LY96: variants seen among roughly 807,000 people sequenced by gnomAD.
LY96 encodes the protein lymphocyte antigen 96.
LY96 carries 18 observed loss-of-function variants against 18.9 expected under a neutral mutation model. The observed-to-expected ratio is 0.95, with a 90% CI of 0.66 to 1.41. The LOEUF is 1.41. Among genes scored for constraint, LY96 ranks in the 40% most tolerant of loss-of-function variants. The pLI, the probability that LY96 is intolerant of heterozygous loss-of-function variation, is 0.00. For synonymous variants in LY96, 66 were observed against 62.6 expected, an observed-to-expected ratio of 1.06 and a Z score of -0.26; for missense variants, 175 against 182.4, an observed-to-expected ratio of 0.96 and a Z score of 0.23.
chr8:74,068,089 A>AAATATATATATATATATATATATAT, the LY96 span, among the ~76,000 whole-genome samples: 1 of 67,930 alleles, frequency 1.5e-5, no homozygotes, highest in African/African-American at 9.6e-5. Flanking sequence ...AAAAAAAAAA[A>AAATATATATATATATATATATATAT]ATATATATAT....
At chr8:74,075,868 T>A in the LY96 span, among the ~76,000 whole-genome samples, 1 of 152,166 alleles carries the variant, frequency 6.6e-6, no homozygotes, top group Non-Finnish European at 1.5e-5. Flanking sequence ...TTGGATTCTC[T>A]GGAAGCAGAT....
At chr8:74,047,267 A>G in the LY96 span, among the ~76,000 whole-genome samples, 1 of 152,220 alleles carries the variant, frequency 6.6e-6, no homozygotes, top group Admixed American at 6.5e-5. Flanking sequence ...TTTCTGCACT[A>G]GAGGGACTAT....
chr8:74,002,052 TTCCTTCCTTCCTTCCTTCCTTC>T lies in LY96; in HGVS notation c.113-2743_113-2722del, dbSNP rs1586648649. On this transcript the variant is annotated intron_variant, in intron 1 of 4. Coordinates refer to ENST00000284818, the MANE Select transcript of LY96 (RefSeq NM_015364.5). ...CTTCCTTCCTTCCTTCCTTCCTTCC[TTCCTTCCTTCCTTCCTTCCTTC>T]CTTTCTTTCTTTCTTTCTTTCTCTC... 3.7e-4 allele frequency among the ~76,000 whole-genome samples: 15 copies of T among 40,758 alleles called. No homozygotes were observed. In the East Asian group the frequency reaches 6.6e-3, roughly 18 times the overall value. The allele number at this position is 40,758 out of a possible 152,430, so 26.7% of individuals were successfully genotyped here.
the LY96 span, among the ~76,000 whole-genome samples, chr8:74,054,676 T>TTTCTTTCTTTCTTTC: frequency 1.2e-4 from 8 of 65,346 alleles, no homozygotes; most frequent in East Asian, 2.9e-3. Context: ...TTCTTTCTTT[T>TTTCTTTCTTTCTTTC]TATTTGAGAT....
the LY96 span, among the ~76,000 whole-genome samples, chr8:74,059,670 CA>C: frequency 6.6e-6 from 1 of 152,096 alleles, no homozygotes; most frequent in Non-Finnish European, 1.5e-5. Context: ...AGTTAAATTT[CA>C]AATGGATTAC....
At chr8:74,061,228 C>T in the LY96 span, among the ~76,000 whole-genome samples, 1 of 152,236 alleles carries the variant, frequency 6.6e-6, no homozygotes, top group East Asian at 1.9e-4. Context: ...GAGGTGGGGC[C>T]TTTGGGAGGT....
At position 74,003,226 on chromosome 8, in the gene LY96, G is replaced by A. The variant is rs553848376; in HGVS notation, c.113-1570G>A. Among the ~76,000 whole-genome samples, 15 of 152,236 alleles carry A rather than the reference G, an allele frequency of 9.9e-5. No homozygotes were observed. The South Asian group carries it at 3.1e-3, about 32-fold the overall frequency. Reference sequence around the variant, plus strand: ...TCAGGAGGACGAGAGAGACCTCGGGGGAAAGCAAGAGGATCTTTATTGAAT... The same window carrying A: ...TCAGGAGGACGAGAGAGACCTCGGGAGAAAGCAAGAGGATCTTTATTGAAT... On this transcript the variant is annotated intron_variant, in intron 1 of 4. Transcript: ENST00000284818.
At chr8:74,097,229 G>A in the LY96 span, among the ~76,000 whole-genome samples, 7 of 152,166 alleles carry the variant, frequency 4.6e-5, no homozygotes, top group African/African-American at 1.2e-4. Flanking sequence ...GGGTAATGTA[G>A]TTAAGAGCAC....
At chr8:74,035,321 T>A in the LY96 span, among the ~76,000 whole-genome samples, 1 of 151,814 alleles carries the variant, frequency 6.6e-6, no homozygotes, top group African/African-American at 2.4e-5. Context: ...TGGCTTAGAG[T>A]CCCTTTGACT....
At chr8:74,064,072 A>G in the LY96 span, among the ~76,000 whole-genome samples, 10 of 152,228 alleles carry the variant, frequency 6.6e-5, no homozygotes, top group African/African-American at 9.6e-5. Context: ...AAAATAATTT[A>G]TAGTAGCCTT....
At chr8:74,047,268 G>C in the LY96 span, among the ~76,000 whole-genome samples, 6 of 152,168 alleles carry the variant, frequency 3.9e-5, no homozygotes, top group Non-Finnish European at 7.4e-5. Context: ...TTCTGCACTA[G>C]AGGGACTATT....
chr8:74,043,858 C>T, the LY96 span, among the ~76,000 whole-genome samples: 5 of 152,124 alleles, frequency 3.3e-5, no homozygotes, highest in African/African-American at 1.2e-4. Flanking sequence ...ATCTTTGAGA[C>T]ATGGTCTGGC....
chr8:74,013,253 G>A (rs866423028), intron 3 of LY96, among the ~76,000 whole-genome samples: 2 of 152,030 alleles, frequency 1.3e-5, no homozygotes, highest in South Asian at 4.1e-4. Context: ...CTCCCGAGTA[G>A]CTGGGACTAC....
chr8:74,055,145 C>T, the LY96 span, among the ~76,000 whole-genome samples: 1 of 152,084 alleles, frequency 6.6e-6, no homozygotes, highest in Non-Finnish European at 1.5e-5. Context: ...TGGGCTCAAG[C>T]AATCTTCTCG....
chr8:74,060,545 G>A, the LY96 span, among the ~76,000 whole-genome samples: 1 of 152,226 alleles, frequency 6.6e-6, no homozygotes, highest in African/African-American at 2.4e-5. Flanking sequence ...CCACTTTTGA[G>A]TCTCAGCTTC....
At chr8:74,096,236 T>C in the LY96 span, among the ~76,000 whole-genome samples, 1 of 152,196 alleles carries the variant, frequency 6.6e-6, no homozygotes, top group African/African-American at 2.4e-5. Context: ...CCTCCAAGGT[T>C]GATTCTCCCC....
intron 1 of LY96, among the ~76,000 whole-genome samples, chr8:73,992,652 C>T (rs1005192037): frequency 1.3e-5 from 2 of 152,066 alleles, no homozygotes; most frequent in African/African-American, 4.8e-5. Flanking sequence ...AGGAGTGTGG[C>T]CAGTCACACA....
chr8:74,023,885 T>G (rs964565960), intron 3 of LY96, among the ~76,000 whole-genome samples: 1 of 152,188 alleles, frequency 6.6e-6, no homozygotes, highest in Non-Finnish European at 1.5e-5. Flanking sequence ...TTATTACAAA[T>G]GATATTAAAT....
chr8:74,073,756 T>A, the LY96 span, among the ~76,000 whole-genome samples: 6,234 of 149,960 alleles, frequency 0.042, 322 homozygotes, highest in African/African-American at 0.11. Context: ...TTCTGCCTCC[T>A]GGGTTCAAGC....
Sources: allele counts gnomAD v4.1 joint callset (sites outside exome capture counted in the v4.1 genomes callset), GRCh38; gene constraint gnomAD v4.1.1; transcripts MANE v1.5; gene names NCBI Gene and HGNC (gene_info 2026-07-23, HGNC 2026-07-21).